TYRO3: variants seen among roughly 807,000 people sequenced by gnomAD.
The protein encoded by TYRO3 is TYRO3 protein tyrosine kinase.
In TYRO3, 38 loss-of-function variants were observed where a neutral mutation model predicts 95.2. The observed-to-expected ratio is 0.40, with a 90% CI of 0.31 to 0.52. TYRO3 has a LOEUF of 0.52. Among genes scored for constraint, TYRO3 ranks in the 20% least tolerant of loss-of-function variants. TYRO3 has a pLI of 0.56. For missense variants in TYRO3, 812 were observed against 1,116.4 expected (o/e 0.73, Z 3.89); for synonymous variants, 367 against 432.9 (o/e 0.85, Z 1.89).
chr15:41,562,499 G>A (rs370384126), intron 3 of TYRO3, 49 bp from the exon 4 acceptor site: 1 of 1,600,448 alleles, frequency 6.2e-7, no homozygotes, highest in Non-Finnish European at 8.5e-7. Flanking sequence ...TTGTACAGTA[G>A]GAAGCCAAGA....
At position 41,578,221 on chromosome 15, in the gene TYRO3, A is replaced by G; in HGVS notation, c.2618A>G (p.Glu873Gly). The change falls in exon 19 of 19, where the codon GAG (glutamate) becomes GGG (glycine). Residue 873 changes from glutamate to glycine, a missense_variant. Physicochemically the swap from Glu to Gly is moderately conservative, Grantham distance 98. Coordinates refer to ENST00000263798, the MANE Select transcript of TYRO3 (RefSeq NM_006293.4). ...AEHQPESPLN[E>G]TQRLLLLQQG... The stretch of plus-strand genomic sequence containing the variant: ...CACCAGCCAGAGAGTCCCCTCAATG[A>G]GACACAGAGGCTTTTGCTGCTGCAG... 2 of 1,613,750 alleles carry G rather than the reference A, an allele frequency of 1.2e-6. No homozygotes were observed. Among genetic ancestry groups the G allele is most frequent in the South Asian group, 2.2e-5 (2 of 91,076 alleles).
chr15:41,576,421 G>A (rs955994621), intron 18 of TYRO3, among the ~76,000 whole-genome samples: 7 of 151,852 alleles, frequency 4.6e-5, no homozygotes, highest in East Asian at 3.9e-4. Context: ...TCAAACTCCC[G>A]ACCTCAGGTG....
intron 5 of TYRO3, chr15:41,564,642 TGG>T: frequency 2.7e-6 from 1 of 368,616 alleles, no homozygotes; most frequent in Non-Finnish European, 5.2e-6. Context: ...ACCAGAGGGC[TGG>T]TGTACAGAGA....
At chr15:41,564,323 G>T in intron 5 of TYRO3, 53 bp downstream of exon 5, 1 of 1,546,954 alleles carries the variant, frequency 6.5e-7, no homozygotes, top group South Asian at 1.1e-5. Context: ...CATTCCCAGC[G>T]AGCTGTCCAG....
At chr15:41,564,761 T>C in intron 5 of TYRO3, 1 of 477,408 alleles carries the variant, frequency 2.1e-6, no homozygotes, top group Non-Finnish European at 3.9e-6. Context: ...CCACATACCC[T>C]CTCATCTTAT....
In TYRO3 at chr15:41,572,305, T is replaced by C. The variant is rs2055806347; in HGVS notation, c.1754-138T>C. On this transcript the variant is annotated intron_variant, in intron 14 of 18. Coordinates refer to ENST00000263798, the MANE Select transcript of TYRO3 (RefSeq NM_006293.4). ...CCCTCCTGGGTAGTCCCCAGACCAGTGTGGAGCCTGTGAAAAAATAAAAAA... is the reference window on the plus strand; with the variant it reads ...CCCTCCTGGGTAGTCCCCAGACCAGCGTGGAGCCTGTGAAAAAATAAAAAA... The C allele has an allele frequency of 4.0e-6, 5 of 1,251,448 alleles. No individual in the cohort carries two copies. The East Asian group carries it at 9.6e-5, about 24-fold the overall frequency. The allele number at this position is 1,251,448 out of a possible 1,614,324, so 77.5% of individuals were successfully genotyped here.
rs2055887879 is a variant in TYRO3 at position 41,578,364 on chromosome 15, C to G, written c.*88C>G. 1.3e-6 allele frequency: 2 copies of G among 1,533,698 alleles called. No individual in the cohort carries two copies. The highest frequency in any genetic ancestry group is 1.2e-5 in the South Asian group (1 of 81,398). On this transcript the variant is annotated 3_prime_UTR_variant, in exon 19 of 19. Transcript: ENST00000263798. Reference sequence around the variant, plus strand: ...AAGCCCCGTCTGACCCCAGCCCAGACAGCAAGGTGTGGAGGCTCCTGTGGT... The same window carrying G: ...AAGCCCCGTCTGACCCCAGCCCAGAGAGCAAGGTGTGGAGGCTCCTGTGGT...
intron 1 of TYRO3, among the ~76,000 whole-genome samples, chr15:41,560,428 T>TGTGTGTGTGTGTGCGCGC (rs1408766845): frequency 9.6e-5 from 13 of 135,254 alleles, no homozygotes; most frequent in African/African-American, 1.8e-4. Context: ...TGTGTGTGTG[T>TGTGTGTGTGTGTGCGCGC]GCGCGCGCGC....
At chr15:41,568,421 A>C in intron 8 of TYRO3, 59 bp downstream of exon 8, 1 of 1,518,756 alleles carries the variant, frequency 6.6e-7, no homozygotes. Context: ...CAGGGTTCTA[A>C]GGCCTTTAAG....
In TYRO3 at chr15:41,578,033, TGAG is replaced by T. The variant is rs771159020; in HGVS notation, c.2434_2436del (p.Glu812del). 1.2e-6 allele frequency: 2 copies of T among 1,614,010 alleles called. No individual in the cohort carries two copies. Among genetic ancestry groups the T allele is most frequent in the African/African-American group, 2.7e-5 (2 of 74,974 alleles). On this transcript the variant is annotated inframe_deletion, in exon 19 of 19. Transcript: ENST00000263798. The stretch of plus-strand genomic sequence containing the variant: ...CCTTATACATCAACATCGAGAGAGC[TGAG>T]GAGCCCACTGCGGGAGGCAGCCTGG...
chr15:41,569,443 T>C (rs2055767493), intron 9 of TYRO3, among the ~76,000 whole-genome samples: 6 of 152,034 alleles, frequency 3.9e-5, no homozygotes, highest in Admixed American at 3.9e-4. Context: ...CACTCCAGCC[T>C]GGGCAACAGA....
In TYRO3 at chr15:41,559,271, G is replaced by A. The variant is rs1595497324; in HGVS notation, c.14G>A (p.Arg5Gln). The change falls in exon 1 of 19, where the codon CGG becomes CAG. Residue 5 changes from arginine (R) to glutamine (Q), a missense_variant. Coordinates refer to ENST00000263798, the MANE Select transcript of TYRO3 (RefSeq NM_006293.4). Reference protein sequence around the residue: MALRRSMGRPGLPPL... With the variant: MALRQSMGRPGLPPL... ...GCGTCGCCGCCGATGGCGCTGAGGCGGAGCATGGGGCGGCCGGGGCTCCCG... is the reference window on the plus strand; with the variant it reads ...GCGTCGCCGCCGATGGCGCTGAGGCAGAGCATGGGGCGGCCGGGGCTCCCG... The A allele has an allele frequency of 4.4e-6, 2 of 459,766 alleles. 1 individual carries two copies. The highest frequency in any genetic ancestry group is 6.7e-6 in the Non-Finnish European group (2 of 300,356). 28.5% of individuals were successfully genotyped at this position (459,766 alleles called of 1,614,324 possible). A position where few individuals can be genotyped will look rare whatever the true frequency, so the allele number is the denominator to read the frequency against.
Position 41,561,559 on chromosome 15 carries a change from C to A in TYRO3, c.329C>A (p.Ser110Tyr). The A allele has an allele frequency of 1.3e-6, 2 of 1,590,456 alleles. No individual in the cohort carries two copies. Among genetic ancestry groups the A allele is most frequent in the South Asian group, 2.3e-5 (2 of 86,848 alleles). The change falls in exon 3 of 19, where the codon TCT (serine) becomes TAT (tyrosine). Residue 110 changes from serine (S) to tyrosine (Y), a missense_variant. Transcript: ENST00000263798. ...GFLSLKSVER[S>Y]DAGRYWCQVE... is the part of the protein sequence containing the mutation. ...CACAGCCTGAAGTCAGTGGAGCGCTCTGACGCCGGCCGGTACTGGTGCCAG... is the reference window on the plus strand; with the variant it reads ...CACAGCCTGAAGTCAGTGGAGCGCTATGACGCCGGCCGGTACTGGTGCCAG...
In TYRO3 at chr15:41,572,513, T is replaced by C. The variant is rs780148560; in HGVS notation, c.1824T>C (p.His608=). The C allele has an allele frequency of 1.2e-6, 2 of 1,614,184 alleles. No individual in the cohort carries two copies. The highest frequency in any genetic ancestry group is 8.5e-7 in the Non-Finnish European group (1 of 1,180,044). ...TGGTCATCTTGCCCTTCATGAAGCA[T>C]GGGGACCTGCATGCCTTCCTGCTCG... ...IPMVILPFMK[H]GDLHAFLLAS... The change falls in exon 15 of 19, where the codon CAT becomes CAC. Residue 608 remains histidine (H), a synonymous_variant. Coordinates refer to ENST00000263798, the MANE Select transcript of TYRO3 (RefSeq NM_006293.4).
At position 41,582,482 on chromosome 15, in the gene TYRO3, ACATTCCAGCT is replaced by A. The variant is rs1278162065; in HGVS notation, c.*4207_*4216del. Reference sequence around the variant, plus strand: ...GAGGGGGAGGTTGCAGTGAGCCACTACATTCCAGCTTGGGTGAGAGAGTGAGACTCCATCT... The same window carrying A: ...GAGGGGGAGGTTGCAGTGAGCCACTATGGGTGAGAGAGTGAGACTCCATCT... On this transcript the variant is annotated 3_prime_UTR_variant, in exon 19 of 19. Transcript: ENST00000263798. 2.0e-5 allele frequency: 3 copies of A among 152,048 alleles called. No individual in the cohort carries two copies. The highest frequency in any genetic ancestry group is 4.4e-5 in the Non-Finnish European group (3 of 68,040). 9.4% of individuals were successfully genotyped at this position (152,048 alleles called of 1,614,324 possible).
chr15:41,559,996 G>A (rs527648760), intron 1 of TYRO3, among the ~76,000 whole-genome samples: 2 of 152,330 alleles, frequency 1.3e-5, no homozygotes, highest in African/African-American at 2.4e-5. Context: ...TGACAAGAGC[G>A]TTCCATGCAG....
chr15:41,571,190 G>C, intron 13 of TYRO3, 72 bp downstream of exon 13: 2 of 1,437,494 alleles, frequency 1.4e-6, no homozygotes, highest in African/African-American at 2.8e-5. Context: ...CCTGAAGCAG[G>C]CTCTGCTTTG....
At chr15:41,562,220 G>A (rs575643024) in intron 3 of TYRO3, 4 of 218,818 alleles carry the variant, frequency 1.8e-5, no homozygotes, top group South Asian at 1.1e-4. Flanking sequence ...GCATGGTGGC[G>A]TGTGCCTGTA....
At chr15:41,569,649 C>T (rs2055769566) in intron 9 of TYRO3, among the ~76,000 whole-genome samples, 1 of 152,140 alleles carries the variant, frequency 6.6e-6, no homozygotes, top group African/African-American at 2.4e-5. Context: ...CACCTGTAGT[C>T]CCAGCTACTT....
Sources: allele counts gnomAD v4.1 joint callset (sites outside exome capture counted in the v4.1 genomes callset), GRCh38; gene constraint gnomAD v4.1.1; transcripts MANE v1.5; gene names NCBI Gene and HGNC (gene_info 2026-07-23, HGNC 2026-07-21).